The following SMARCC1 variants were observed in gnomAD, a reference collection of about 807,000 sequenced individuals.
SMARCC1 encodes the protein SWI/SNF complex subunit SMARCC1.
Under a neutral mutation model 147.4 loss-of-function variants are expected in SMARCC1, and 43 were observed. The observed-to-expected ratio is 0.29, with a 90% confidence interval of 0.23 to 0.38. The LOEUF (loss-of-function observed/expected upper bound fraction) is 0.38, where lower values mean the gene tolerates loss of function less well. SMARCC1 is among the 10% of genes least tolerant of loss of function. SMARCC1 has a pLI of 1.00. For synonymous variants in SMARCC1, 495 were observed against 484.4 expected (o/e 1.02, Z -0.29); for missense variants, 1,119 against 1,381.1 (o/e 0.81, Z 3.01).
At chr3:47,596,975 G>C (rs1198154243) in intron 26 of SMARCC1, among the ~76,000 whole-genome samples, 1 of 151,874 alleles carries the variant, frequency 6.6e-6, no homozygotes, top group African/African-American at 2.4e-5. Flanking sequence ...GCAGGCAGAT[G>C]ACGAGGTCAG....
chr3:47,594,414 C>G (rs554942036), intron 26 of SMARCC1, among the ~76,000 whole-genome samples: 230 of 152,330 alleles, frequency 1.5e-3, no homozygotes, highest in Non-Finnish European at 2.6e-3. Flanking sequence ...TATGTGAACA[C>G]TGCGACTAGG....
chr3:47,589,107 C>T (rs758417988), intron 27 of SMARCC1, among the ~76,000 whole-genome samples: 1 of 152,200 alleles, frequency 6.6e-6, no homozygotes, highest in Non-Finnish European at 1.5e-5. Context: ...CTACCAAACC[C>T]TTAAGACTCT....
intron 21 of SMARCC1, among the ~76,000 whole-genome samples, chr3:47,649,441 A>T (rs2033158849): frequency 6.6e-6 from 1 of 152,240 alleles, no homozygotes; most frequent in Non-Finnish European, 1.5e-5. Context: ...GAGACTAGTT[A>T]GTCCTTAACC....
At chr3:47,633,779 T>TACACACACAC (rs149363143) in intron 24 of SMARCC1, among the ~76,000 whole-genome samples, 2,510 of 28,496 alleles carry the variant, frequency 0.088, 281 homozygotes, top group Non-Finnish European at 0.13. Flanking sequence ...TATATATATA[T>TACACACACAC]ACACACACAC....
chr3:47,620,056 C>G (rs2032704888), intron 25 of SMARCC1, among the ~76,000 whole-genome samples: 1 of 152,198 alleles, frequency 6.6e-6, no homozygotes, highest in Non-Finnish European at 1.5e-5. Flanking sequence ...GTCAGAATCT[C>G]TCATGTAGAT....
intron 24 of SMARCC1, among the ~76,000 whole-genome samples, chr3:47,633,163 C>T (rs1248013670): frequency 6.6e-6 from 1 of 152,070 alleles, no homozygotes; most frequent in Non-Finnish European, 1.5e-5. Flanking sequence ...TCAGTATGTC[C>T]ATTTATTTGA....
chr3:47,675,499 A>C lies in SMARCC1; in HGVS notation c.1815T>G (p.Ile605Met), dbSNP rs1334024668. 6.2e-7 allele frequency: 1 copy of C among 1,602,794 alleles called. No homozygotes were observed. Among genetic ancestry groups the C allele is most frequent in the Admixed American group, 1.7e-5 (1 of 59,976 alleles). ...CCTTTGCTAATGTTTTCTTGGAGTAAATGTCAGTACGGAGACCAAAGTTCT... is the reference window on the plus strand; with the variant it reads ...CCTTTGCTAATGTTTTCTTGGAGTACATGTCAGTACGGAGACCAAAGTTCT... ...DLQNFGLRTD[I>M]YSKKTLAKSK... The change falls in exon 18 of 28, where the codon ATT becomes ATG. Residue 605 changes from isoleucine (I) to methionine (M), a missense_variant. Ile to Met is a conservative substitution (Grantham distance 10). Transcript: ENST00000254480.
At chr3:47,729,431 A>G (rs913191026) in intron 5 of SMARCC1, among the ~76,000 whole-genome samples, 2 of 152,074 alleles carry the variant, frequency 1.3e-5, no homozygotes, top group African/African-American at 4.8e-5. Context: ...CACCCAGGCT[A>G]TAGTGTGGCA....
At chr3:47,658,260 T>C (rs558357676) in intron 21 of SMARCC1, among the ~76,000 whole-genome samples, 8 of 152,354 alleles carry the variant, frequency 5.3e-5, no homozygotes, top group Non-Finnish European at 1.0e-4. Flanking sequence ...TCACATACTA[T>C]AGAATTCACC....
At chr3:47,666,095 C>G (rs1224881919) in intron 19 of SMARCC1, among the ~76,000 whole-genome samples, 1 of 152,150 alleles carries the variant, frequency 6.6e-6, no homozygotes, top group East Asian at 1.9e-4. Flanking sequence ...CAAACATGAT[C>G]AGGACACTGC....
At chr3:47,704,591 T>G (rs2033966900) in intron 10 of SMARCC1, among the ~76,000 whole-genome samples, 1 of 152,052 alleles carries the variant, frequency 6.6e-6, no homozygotes, top group South Asian at 2.1e-4. Flanking sequence ...TTCCAAAATC[T>G]CTGAACAGCA....
chr3:47,626,917 G>C (rs2032819145), intron 24 of SMARCC1, among the ~76,000 whole-genome samples: 1 of 152,126 alleles, frequency 6.6e-6, no homozygotes, highest in Non-Finnish European at 1.5e-5. Context: ...AGTTACCCCT[G>C]TCAAGGACTA....
At chr3:47,636,806 G>C (rs1336209509) in intron 22 of SMARCC1, among the ~76,000 whole-genome samples, 1 of 149,400 alleles carries the variant, frequency 6.7e-6, no homozygotes, top group Non-Finnish European at 1.5e-5. Flanking sequence ...GTGTGTGTGT[G>C]TGTGTGTGTG....
intron 21 of SMARCC1, among the ~76,000 whole-genome samples, chr3:47,653,646 A>G (rs927853404): frequency 1.3e-5 from 2 of 152,198 alleles, no homozygotes; most frequent in Non-Finnish European, 2.9e-5. Context: ...CTGTTTTTCA[A>G]TTTATTCCAT....
At chr3:47,725,120 GATAA>G (rs1282863964) in intron 6 of SMARCC1, among the ~76,000 whole-genome samples, 2 of 143,528 alleles carry the variant, frequency 1.4e-5, no homozygotes, top group African/African-American at 5.1e-5. Context: ...AAATGATTAA[GATAA>G]ATGTTATGTG....
chr3:47,769,119 G>A (rs368847684), intron 2 of SMARCC1, among the ~76,000 whole-genome samples: 6 of 144,604 alleles, frequency 4.1e-5, no homozygotes, highest in African/African-American at 1.3e-4. Context: ...GCTGAGGCAT[G>A]AGAATTGCTT....
intron 12 of SMARCC1, among the ~76,000 whole-genome samples, chr3:47,692,637 C>T (rs1374315511): frequency 2.0e-5 from 3 of 152,172 alleles, no homozygotes; most frequent in African/African-American, 4.8e-5. Context: ...AGGAAATTAA[C>T]TCTCTTACAA....
intron 21 of SMARCC1, among the ~76,000 whole-genome samples, chr3:47,655,036 T>C (rs1052272547): frequency 2.0e-5 from 3 of 152,154 alleles, no homozygotes; most frequent in Non-Finnish European, 4.4e-5. Context: ...TGGCACTTAA[T>C]TCAAACAAAG....
chr3:47,774,430 T>C (rs941549271), intron 1 of SMARCC1, among the ~76,000 whole-genome samples: 1 of 152,026 alleles, frequency 6.6e-6, no homozygotes, highest in Non-Finnish European at 1.5e-5. Context: ...TTTTTTTGTG[T>C]GTGTGTTTTT....
Sources: allele counts gnomAD v4.1 joint callset (sites outside exome capture counted in the v4.1 genomes callset), GRCh38; gene constraint gnomAD v4.1.1; transcripts MANE v1.5; gene names NCBI Gene and HGNC (gene_info 2026-07-23, HGNC 2026-07-21).